The following TSPOAP1 variants were observed in gnomAD, a reference collection of about 807,000 sequenced individuals.
The protein encoded by TSPOAP1 is TSPO associated protein 1.
In TSPOAP1, 87 loss-of-function variants were observed where a neutral mutation model predicts 197.0. The observed-to-expected ratio is 0.44, with a 90% confidence interval of 0.37 to 0.53. The LOEUF (loss-of-function observed/expected upper bound fraction) is 0.53. Among genes scored for constraint, TSPOAP1 ranks in the 20% least tolerant of loss-of-function variants. TSPOAP1 has a pLI of 0.00. For missense variants in TSPOAP1, 2,174 were observed against 2,411.3 expected (o/e 0.90, Z 2.06); for synonymous variants, 913 against 998.9 (o/e 0.91, Z 1.62).
Position 58,305,117 on chromosome 17 carries a change from C to T in TSPOAP1, c.5488G>A (p.Gly1830Arg), listed in dbSNP as rs770049020. Residue 1830 changes from glycine to arginine, a missense_variant, in exon 30 of 32, where the codon GGG becomes AGG. Transcript: ENST00000343736. Reference sequence around the variant, plus strand: ...CTGTCCAGGCCGCCTGCCTCAGGCCCAGGGCCCTCCAGGAAGTTGGATGGA... The same window carrying T: ...CTGTCCAGGCCGCCTGCCTCAGGCCTAGGGCCCTCCAGGAAGTTGGATGGA... The part of the protein sequence containing the change: ...LVPSNFLEGP[G>R]PEAGGLDREP... 26 of 1,613,920 alleles carry T rather than the reference C, an allele frequency of 1.6e-5. No homozygotes were observed. The highest frequency in any genetic ancestry group is 2.2e-5 in the Non-Finnish European group (26 of 1,179,980).
chr17:58,308,353 C>T (rs1970973123), intron 22 of TSPOAP1, among the ~76,000 whole-genome samples, 188 bp downstream of exon 22: 1 of 152,244 alleles, frequency 6.6e-6, no homozygotes, highest in Non-Finnish European at 1.5e-5. Flanking sequence ...GCATCCCAGT[C>T]CTGATCAGCA....
In TSPOAP1 at chr17:58,326,210, A is replaced by C; in HGVS notation, c.570+83T>G. ...TGCTGAGCTGAGACCGTGACTCCCA[A>C]GCTTCAGACAGCCCTCAGGCCCAGC... On this transcript the variant is annotated intron_variant, in intron 3 of 31. Coordinates refer to ENST00000343736, the MANE Select transcript of TSPOAP1 (RefSeq NM_004758.4). The surrounding 1 kb of genome is among the most constrained non-coding windows in gnomAD (Gnocchi z 4.7). 6.4e-7 allele frequency: 1 copy of C among 1,569,908 alleles called. No homozygotes were observed.
Position 58,307,924 on chromosome 17 carries a change from C to A in TSPOAP1, c.4749G>T (p.Glu1583Asp), listed in dbSNP as rs144071735. Residue 1583 changes from glutamate to aspartate, a missense_variant, in exon 23 of 32, where the codon GAG (glutamate) becomes GAT (aspartate). Physicochemically the swap from Glu to Asp is conservative, Grantham distance 45 (BLOSUM62 2). This residue lies in a region of TSPOAP1 where 1,933 missense variants were observed against 2,139.0 expected (regional missense o/e 0.90). Coordinates refer to ENST00000343736, the MANE Select transcript of TSPOAP1 (RefSeq NM_004758.4). ...EPLSRATETG[E>D]ARGQDGSGRR... ...GCCCAGAGCCGTCCTGCCCTCTGGC[C>A]TCTCCGGTCTCTGTTGCCTGCAAAA... is the stretch of plus-strand genomic sequence containing the variant. The A allele has an allele frequency of 5.0e-6, 8 of 1,612,350 alleles. No individual in the cohort carries two copies. The African/African-American group carries it at 6.7e-5, about 13-fold the overall frequency.
chr17:58,318,865 T>C (rs1971317917), intron 13 of TSPOAP1, among the ~76,000 whole-genome samples: 1 of 152,150 alleles, frequency 6.6e-6, no homozygotes, highest in African/African-American at 2.4e-5. Flanking sequence ...CAGGTCCTTT[T>C]GGAAGGAGAG....
rs770664913 is a variant in TSPOAP1, at chr17:58,318,308, T to C, written c.1844A>G (p.Asn615Ser). 4 of 1,613,986 alleles carry C rather than the reference T, an allele frequency of 2.5e-6. No homozygotes were observed. The highest frequency in any genetic ancestry group is 3.4e-6 in the Non-Finnish European group (4 of 1,180,006). Residue 615 changes from asparagine to serine, a missense_variant, in exon 14 of 32, where the codon AAC (asparagine) becomes AGC (serine). Around this residue, in one of 5 missense-constraint regions of TSPOAP1, gnomAD observed 1,933 missense variants for 2,139.0 expected, o/e 0.90. Transcript: ENST00000343736. ...SNSSHSESIH[N>S]SPKSCPTPEV... The stretch of plus-strand genomic sequence containing the variant: ...AGGTGTAGGGCATGACTTGGGGCTG[T>C]TGTGGATGGACTCGGAGTGGGAGGA...
In TSPOAP1 at chr17:58,327,699, T is replaced by TC; in HGVS notation, c.221dup (p.Thr75AsnfsTer2). On this transcript the variant is annotated frameshift_variant, in exon 1 of 32. Coordinates refer to ENST00000343736, the MANE Select transcript of TSPOAP1 (RefSeq NM_004758.4). LOFTEE classifies it high-confidence loss of function. ...AAGCCTCTGCTCCTTCAGGGTCAGTTCCCCCCACGGGCCTGGAGCTCCCGT... is the reference window on the plus strand; with the variant it reads ...AAGCCTCTGCTCCTTCAGGGTCAGTTCCCCCCCACGGGCCTGGAGCTCCCGT... The TC allele has an allele frequency of 2.5e-6, 4 of 1,613,900 alleles. No individual in the cohort carries two copies. Among genetic ancestry groups the TC allele is most frequent in the Non-Finnish European group, 3.4e-6 (4 of 1,180,012 alleles).
chr17:58,308,984 G>A lies in TSPOAP1; in HGVS notation c.4288C>T (p.Arg1430Ter), dbSNP rs1429879144. 2 of 1,611,538 alleles carry A rather than the reference G, an allele frequency of 1.2e-6. No homozygotes were observed. Among genetic ancestry groups the A allele is most frequent in the African/African-American group, 1.3e-5 (1 of 74,802 alleles). ...TGGGGCCCATTGTTGCTGAGAAGTC[G>A]GCTGCAGTGTTCTCGGGGATCTGGA... ...RPPDPREHCS[R>*]LLSNNGPQAS... is the part of the protein sequence containing the mutation. Residue 1430 changes from arginine (R) to a stop codon, truncating the protein, a stop_gained, in exon 22 of 32, where the codon CGA (arginine) becomes TGA (stop). Transcript: ENST00000343736. LOFTEE classifies it high-confidence loss of function.
At chr17:58,325,066 C>G (rs1422857773) in intron 4 of TSPOAP1, 64 bp from the exon 5 acceptor site, 1 of 1,395,898 alleles carries the variant, frequency 7.2e-7, no homozygotes, top group African/African-American at 1.4e-5. Flanking sequence ...CCCATGCCAT[C>G]CCCTGCAGAG....
chr17:58,306,393 A>G lies in TSPOAP1; in HGVS notation c.5173T>C (p.Ser1725Pro), dbSNP rs765774012. The G allele has an allele frequency of 1.2e-5, 19 of 1,555,044 alleles. No individual in the cohort carries two copies. The highest frequency in any genetic ancestry group is 1.7e-5 in the Non-Finnish European group (19 of 1,148,722). Residue 1725 changes from serine to proline, a missense_variant, in exon 26 of 32, where the codon TCC becomes CCC. Ser to Pro is a moderately conservative substitution (Grantham distance 74, BLOSUM62 -1). This residue lies in a region of TSPOAP1 where 161 missense variants were observed against 159.1 expected (regional missense o/e 1.01). Coordinates refer to ENST00000343736, the MANE Select transcript of TSPOAP1 (RefSeq NM_004758.4). Reference protein sequence around the residue: ...EGSGNGPFVYSTAHTTGPPPK... With the variant: ...EGSGNGPFVYPTAHTTGPPPK... ...GGAGGCCCAGTTGTGTGGGCTGTGGAGTACACAAACGGACCATTCCCTGAT... is the reference window on the plus strand; with the variant it reads ...GGAGGCCCAGTTGTGTGGGCTGTGGGGTACACAAACGGACCATTCCCTGAT...
At chr17:58,310,248 G>T in intron 20 of TSPOAP1, 90 bp from the exon 21 acceptor site, 1 of 1,363,502 alleles carries the variant, frequency 7.3e-7, no homozygotes, top group Non-Finnish European at 1.0e-6. Flanking sequence ...ACAGTAACAA[G>T]GGTCCTTTGG....
Position 58,308,918 on chromosome 17 carries a change from G to A in TSPOAP1, c.4354C>T (p.Leu1452Phe). ...GTCCTGGGGCCCTCAATTACGGGGA[G>A]GCCACCCCTCTCCCGTGTGGGGCCC... ...RLGPTRERGG[L>F]PVIEGPRTGL... Residue 1452 changes from leucine to phenylalanine, a missense_variant, in exon 22 of 32, where the codon CTC (leucine) becomes TTC (phenylalanine). Leu to Phe is a conservative substitution (Grantham distance 22). Around this residue, in one of 5 missense-constraint regions of TSPOAP1, gnomAD observed 1,933 missense variants for 2,139.0 expected, o/e 0.90. Transcript: ENST00000343736. 1.3e-6 allele frequency: 2 copies of A among 1,597,016 alleles called. No homozygotes were observed. The highest frequency in any genetic ancestry group is 1.1e-5 in the South Asian group (1 of 89,192).
chr17:58,305,895 T>TACC, intron 26 of TSPOAP1, 30 bp from the exon 27 acceptor site: 3 of 1,554,976 alleles, frequency 1.9e-6, no homozygotes, highest in Non-Finnish European at 2.6e-6. Context: ...GTGAGCCCCC[T>TACC]CCCACCCTGC....
At chr17:58,311,793 A>G in intron 17 of TSPOAP1, 71 bp from the exon 18 acceptor site, 4 of 1,500,118 alleles carry the variant, frequency 2.7e-6, no homozygotes, top group Non-Finnish European at 3.6e-6. Context: ...CCAATTTGCT[A>G]TTTCCCTGAT....
In TSPOAP1 at chr17:58,307,716, G is replaced by A. The variant is rs369536538; in HGVS notation, c.4878C>T (p.Pro1626=). 41 of 1,614,056 alleles carry A rather than the reference G, an allele frequency of 2.5e-5. No homozygotes were observed. Among genetic ancestry groups the A allele is most frequent in the African/African-American group, 1.7e-4 (13 of 74,946 alleles). The change falls in exon 24 of 32, where the codon CCC becomes CCT. Residue 1626 remains proline (P), a synonymous_variant. Coordinates refer to ENST00000343736, the MANE Select transcript of TSPOAP1 (RefSeq NM_004758.4). The part of the protein sequence containing the change: ...PSETLAYQHL[P]VRIFVALFDY... Reference sequence around the variant, plus strand: ...CAAACAGAGCCACAAAGATCCTGACGGGTAGGTGCTGGTAAGCCAGTGTTT... The same window carrying A: ...CAAACAGAGCCACAAAGATCCTGACAGGTAGGTGCTGGTAAGCCAGTGTTT...
At chr17:58,323,068 G>C (rs780333478) in intron 7 of TSPOAP1, 29 bp from the exon 8 acceptor site, 6 of 1,588,544 alleles carry the variant, frequency 3.8e-6, no homozygotes, top group Non-Finnish European at 5.1e-6. Flanking sequence ...TCTCAGGAGG[G>C]AGCCCAGCAC....
At position 58,307,668 on chromosome 17, in the gene TSPOAP1, C is replaced by G. The variant is rs544488731; in HGVS notation, c.4926G>C (p.Ser1642=). Residue 1642 remains serine (S), a synonymous_variant, in exon 24 of 32, where the codon TCG becomes TCC. Coordinates refer to ENST00000343736, the MANE Select transcript of TSPOAP1 (RefSeq NM_004758.4). The stretch of plus-strand genomic sequence containing the variant: ...CTTCTTCTCCAGCATCAGGATTGGG[C>G]GACATTGACACGGGGTCATAGTCAA... ...ALFDYDPVSM[S]PNPDAGEEEL... is the part of the protein sequence containing the mutation. 1.2e-6 allele frequency: 2 copies of G among 1,614,116 alleles called. No individual in the cohort carries two copies. Among genetic ancestry groups the G allele is most frequent in the Admixed American group, 3.3e-5 (2 of 60,026 alleles).
chr17:58,323,023 T>C lies in TSPOAP1; in HGVS notation c.1121A>G (p.Gln374Arg), dbSNP rs759168742. The C allele has an allele frequency of 6.2e-7, 1 of 1,609,738 alleles. No individual in the cohort carries two copies. The highest frequency in any genetic ancestry group is 2.2e-5 in the East Asian group (1 of 44,696). ...CAGGCGGGCATTCTCATTCTGCGCT[T>C]GTCTCAGCTGCAGTTCCTGAGCGGG... ...RCEELELQLRQAQNENARLVE... is the reference protein window; with the variant it reads ...RCEELELQLRRAQNENARLVE... The change falls in exon 8 of 32, where the codon CAA (glutamine) becomes CGA (arginine). Residue 374 changes from glutamine (Q) to arginine (R), a missense_variant. Coordinates refer to ENST00000343736, the MANE Select transcript of TSPOAP1 (RefSeq NM_004758.4).
At chr17:58,320,009 C>G in intron 12 of TSPOAP1, 100 bp downstream of exon 12, 1 of 1,475,168 alleles carries the variant, frequency 6.8e-7, no homozygotes, top group Non-Finnish European at 9.5e-7. Flanking sequence ...AGTGACACCC[C>G]CTCTGCTGGA....
intron 15 of TSPOAP1, 98 bp from the exon 16 acceptor site, chr17:58,316,230 C>T: frequency 8.2e-7 from 1 of 1,219,592 alleles, no homozygotes; most frequent in Non-Finnish European, 1.2e-6. Context: ...TTTACGGAGA[C>T]TTGGTTGTGG....
Sources: allele counts gnomAD v4.1 joint callset (sites outside exome capture counted in the v4.1 genomes callset), GRCh38; gene constraint gnomAD v4.1.1; regional missense constraint gnomAD v4.1.1; non-coding constraint Gnocchi (gnomAD v3.1); transcripts MANE v1.5; gene names NCBI Gene and HGNC (gene_info 2026-07-23, HGNC 2026-07-21).